The following PIGL variants were observed in gnomAD, a reference collection of about 807,000 sequenced individuals.
PIGL encodes the protein phosphatidylinositol glycan anchor biosynthesis class L, also known as N-acetylglucosaminyl-phosphatidylinositol de-N-acetylase.
Under a neutral mutation model 31.1 loss-of-function variants are expected in PIGL, and 22 were observed. That is an observed-to-expected ratio of 0.71 (90% CI 0.51 to 1.01). The LOEUF is 1.01. Ranked by LOEUF, PIGL falls within the 50% of genes least tolerant of loss-of-function variation. PIGL has a pLI of 0.00. For synonymous variants in PIGL, 131 were observed against 117.4 expected (o/e 1.12, Z -0.75); for missense variants, 302 against 315.9 (o/e 0.96, Z 0.33).
intron 2 of PIGL, among the ~76,000 whole-genome samples, chr17:16,278,328 A>G (rs1017852053): frequency 3.9e-5 from 6 of 152,174 alleles, no homozygotes; most frequent in African/African-American, 7.2e-5. Flanking sequence ...AACTCAGGTG[A>G]TCCACCTGCC....
intron 3 of PIGL, among the ~76,000 whole-genome samples, chr17:16,303,010 C>T (rs1362092442): frequency 6.6e-6 from 1 of 152,118 alleles, no homozygotes; most frequent in East Asian, 1.9e-4. Flanking sequence ...ATTTCTTTTT[C>T]AGACCATGTT....
intron 2 of PIGL, among the ~76,000 whole-genome samples, chr17:16,238,462 G>A (rs1216734089): frequency 6.9e-6 from 1 of 143,948 alleles, no homozygotes; most frequent in African/African-American, 2.6e-5. Context: ...TTGAGACGGG[G>A]TCTTGCTCTG....
chr17:16,220,164 A>C lies in PIGL; in HGVS notation c.235+2703A>C, dbSNP rs140882936. Among the ~76,000 whole-genome samples the C allele has an allele frequency of 1.8e-3, 274 of 152,100 alleles. 10 individuals carry two copies. In the East Asian group the frequency reaches 0.048, roughly 27 times the overall value. ...AGAGATCAAAACCATCTTGGCCAAC[A>C]TGTTGAAACCCCGTCTCTCCTACAA... On this transcript the variant is annotated intron_variant, in intron 1 of 6. Coordinates refer to ENST00000225609, the MANE Select transcript of PIGL (RefSeq NM_004278.4).
chr17:16,288,723 G>C (rs1381117052), intron 2 of PIGL, among the ~76,000 whole-genome samples: 1 of 151,438 alleles, frequency 6.6e-6, no homozygotes, highest in African/African-American at 2.4e-5. Flanking sequence ...AGTTTTAGTA[G>C]ACACAGGGTT....
chr17:16,296,466 T>C (rs979348579), intron 2 of PIGL, among the ~76,000 whole-genome samples: 2 of 151,622 alleles, frequency 1.3e-5, no homozygotes, highest in African/African-American at 2.4e-5. Context: ...AAAAATTAGC[T>C]GAGCATGGTG....
chr17:16,307,963 C>CAAAA (rs200906989), intron 3 of PIGL, among the ~76,000 whole-genome samples: 1 of 62,596 alleles, frequency 1.6e-5, no homozygotes, highest in African/African-American at 5.4e-5. Context: ...GACCTTGTCT[C>CAAAA]AAAAAAAAAA....
chr17:16,233,614 C>T (rs563291589), intron 1 of PIGL, among the ~76,000 whole-genome samples: 71 of 152,184 alleles, frequency 4.7e-4, no homozygotes, highest in African/African-American at 1.7e-3. Flanking sequence ...AGAGGGGGCC[C>T]CAGTTGTTCT....
intron 3 of PIGL, among the ~76,000 whole-genome samples, chr17:16,305,578 T>A (rs768415204): frequency 7.2e-5 from 11 of 152,196 alleles, no homozygotes; most frequent in Non-Finnish European, 1.6e-4. Context: ...AGGGGGAAAC[T>A]ACAAGGTACA....
chr17:16,304,138 C>T (rs1003069533), intron 3 of PIGL, among the ~76,000 whole-genome samples: 3 of 152,196 alleles, frequency 2.0e-5, no homozygotes, highest in Admixed American at 6.5e-5. Context: ...ATGCTAACAC[C>T]GTGGCTAGTG....
chr17:16,272,045 A>C (rs1445245836), intron 2 of PIGL, among the ~76,000 whole-genome samples: 2 of 152,108 alleles, frequency 1.3e-5, no homozygotes, highest in African/African-American at 2.4e-5. Context: ...TCAAATTTTA[A>C]CTGGCATCTG....
At chr17:16,227,485 G>A (rs189619791) in intron 1 of PIGL, among the ~76,000 whole-genome samples, 4 of 152,034 alleles carry the variant, frequency 2.6e-5, no homozygotes, top group South Asian at 2.1e-4. Flanking sequence ...GACACTACTC[G>A]CAAGTATGGC....
chr17:16,261,749 GCAC>G (rs1010887707), intron 2 of PIGL, among the ~76,000 whole-genome samples: 4 of 151,700 alleles, frequency 2.6e-5, no homozygotes, highest in African/African-American at 7.3e-5. Context: ...CTACAAGTGC[GCAC>G]CACCATGCCT....
intron 6 of PIGL, among the ~76,000 whole-genome samples, chr17:16,320,755 C>T (rs894042940): frequency 6.6e-5 from 10 of 151,708 alleles, no homozygotes; most frequent in Non-Finnish European, 8.8e-5. Context: ...CTGTCTCAGC[C>T]TCTCCAGTAA....
chr17:16,311,971 G>C (rs1243777931), intron 3 of PIGL, among the ~76,000 whole-genome samples: 1 of 152,110 alleles, frequency 6.6e-6, no homozygotes, highest in African/African-American at 2.4e-5. Context: ...TGAGCTGTTG[G>C]GTACACCTCC....
Position 16,317,281 on chromosome 17 carries a change from G to A in PIGL, c.527-494G>A, listed in dbSNP as rs564189367. The stretch of plus-strand genomic sequence containing the variant: ...TGAAAGGAGCTTACCAAGCCATGAT[G>A]ACTTTGGAACATGACTATAGTTTGT... On this transcript the variant is annotated intron_variant, in intron 5 of 6. Transcript: ENST00000225609. The A allele has an allele frequency of 2.0e-3, 1,995 of 1,002,074 alleles. 1 individual carries two copies. Among genetic ancestry groups the A allele is most frequent in the Non-Finnish European group, 2.2e-3 (1,862 of 838,206 alleles). 62.1% of individuals were successfully genotyped at this position (1,002,074 alleles called of 1,614,324 possible).
intron 1 of PIGL, 168 bp downstream of exon 1, chr17:16,217,629 ACC>A: frequency 7.3e-6 from 4 of 547,586 alleles, no homozygotes; most frequent in South Asian, 5.7e-5. Flanking sequence ...CGGCCGGCTT[ACC>A]TGGTGGGTTG....
chr17:16,266,798 C>T (rs2092845532), intron 2 of PIGL, among the ~76,000 whole-genome samples: 1 of 151,686 alleles, frequency 6.6e-6, no homozygotes, highest in Non-Finnish European at 1.5e-5. Context: ...GGGGTTTCAC[C>T]GTGTTAGCCA....
chr17:16,254,370 G>A (rs1299244548), intron 2 of PIGL, among the ~76,000 whole-genome samples: 2 of 152,078 alleles, frequency 1.3e-5, no homozygotes, highest in African/African-American at 4.8e-5. Context: ...CCGGGTTCAA[G>A]CGATTCTCCT....
At chr17:16,285,472 C>G (rs1365446305) in intron 2 of PIGL, among the ~76,000 whole-genome samples, 1 of 152,108 alleles carries the variant, frequency 6.6e-6, no homozygotes, top group Non-Finnish European at 1.5e-5. Context: ...GTAATCCCAG[C>G]TACTGGGGAT....
Sources: allele counts gnomAD v4.1 joint callset (sites outside exome capture counted in the v4.1 genomes callset), GRCh38; gene constraint gnomAD v4.1.1; transcripts MANE v1.5; gene names NCBI Gene and HGNC (gene_info 2026-07-23, HGNC 2026-07-21).